The following ZNF536 variants were observed in gnomAD, a reference collection of about 807,000 sequenced individuals.
ZNF536 encodes the protein zinc finger protein 536.
Under a neutral mutation model 84.5 loss-of-function variants are expected in ZNF536, and 13 were observed. The ratio of observed to expected loss-of-function variants is 0.15; its 90% CI spans 0.10 to 0.24. ZNF536 has a LOEUF of 0.24. Among genes scored for constraint, ZNF536 ranks in the 10% least tolerant of loss-of-function variants. The pLI is 1.00. For missense variants in ZNF536, 1,536 were observed against 1,747.5 expected, an observed-to-expected ratio of 0.88 and a Z score of 2.16; for synonymous variants, 811 against 742.5, an observed-to-expected ratio of 1.09 and a Z score of -1.50.
chr19:30,428,481 G>A (rs1000518071), intron 1 of ZNF536, among the ~76,000 whole-genome samples: 5 of 152,206 alleles, frequency 3.3e-5, no homozygotes, highest in African/African-American at 1.2e-4. Context: ...GTTACCCAGA[G>A]TCCCAGTAAA....
At chr19:30,333,909 T>G (rs2047296706) in intron 2 of ZNF536, among the ~76,000 whole-genome samples, 1 of 152,224 alleles carries the variant, frequency 6.6e-6, no homozygotes, top group African/African-American at 2.4e-5. Context: ...TGATATTCCT[T>G]TTCTGCAAAG....
At chr19:30,584,019 T>C (rs2047011110) in intron 1 of ZNF536, among the ~76,000 whole-genome samples, 1 of 152,178 alleles carries the variant, frequency 6.6e-6, no homozygotes, top group Non-Finnish European at 1.5e-5. Flanking sequence ...AAGCCTTTTA[T>C]GCATCTAGAA....
At chr19:30,439,566 G>T (rs1472394228) in intron 1 of ZNF536, among the ~76,000 whole-genome samples, 2 of 152,184 alleles carry the variant, frequency 1.3e-5, no homozygotes, top group Non-Finnish European at 2.9e-5. Context: ...CGAGCAGCAG[G>T]CATCAGTTAT....
intron 1 of ZNF536, among the ~76,000 whole-genome samples, chr19:30,595,007 T>C (rs2047408813): frequency 6.6e-6 from 1 of 152,016 alleles, no homozygotes; most frequent in South Asian, 2.1e-4. Context: ...TGCATCCTGC[T>C]TGGGCAGGAG....
intron 1 of ZNF536, among the ~76,000 whole-genome samples, chr19:30,384,300 C>T: frequency 1.8e-4 from 1 of 5,656 alleles, no homozygotes; most frequent in Non-Finnish European, 4.8e-4. Context: ...CTTTCCTTCC[C>T]CTCCCCTCCC....
chr19:30,441,825 A>G (rs73546122), intron 1 of ZNF536, among the ~76,000 whole-genome samples: 7,373 of 152,258 alleles, frequency 0.048, 401 homozygotes, highest in African/African-American at 0.13. Flanking sequence ...GTAAACATTC[A>G]TGGCTCTTTC....
chr19:30,352,695 TC>T (rs1268517849), intron 3 of ZNF536, among the ~76,000 whole-genome samples: 2 of 152,140 alleles, frequency 1.3e-5, no homozygotes, highest in Non-Finnish European at 2.9e-5. Flanking sequence ...GCAGGGCCTT[TC>T]CCCATGGGGG....
chr19:30,270,806 C>A (rs908544556), intron 1 of ZNF536, among the ~76,000 whole-genome samples: 1 of 149,056 alleles, frequency 6.7e-6, no homozygotes, highest in Non-Finnish European at 1.5e-5. Flanking sequence ...TGCTAGCATA[C>A]GTAATTTTTT....
At chr19:30,653,928 G>A (rs1568639759) in intron 1 of ZNF536, among the ~76,000 whole-genome samples, 1 of 152,192 alleles carries the variant, frequency 6.6e-6, no homozygotes. Flanking sequence ...TTGCTGGAAT[G>A]GAGAACTCTT....
At chr19:30,612,431 G>A (rs1334844882) in intron 1 of ZNF536, among the ~76,000 whole-genome samples, 6 of 152,120 alleles carry the variant, frequency 3.9e-5, no homozygotes, top group South Asian at 2.1e-4. Context: ...CAGAGGAAAC[G>A]GGGTGCCCAC....
At chr19:30,324,328 T>C (rs1475109213) in intron 2 of ZNF536, among the ~76,000 whole-genome samples, 7 of 152,238 alleles carry the variant, frequency 4.6e-5, no homozygotes, top group Non-Finnish European at 1.0e-4. Context: ...CCATCCATTG[T>C]GTTTTGGGAA....
At chr19:30,469,831 C>T (rs774430507) in intron 2 of ZNF536, among the ~76,000 whole-genome samples, 15 of 152,132 alleles carry the variant, frequency 9.9e-5, no homozygotes, top group Non-Finnish European at 1.5e-4. Context: ...CCTGGAATCT[C>T]GGTGCAGGTT....
At chr19:30,670,240 T>G (rs1325505177) in intron 1 of ZNF536, among the ~76,000 whole-genome samples, 1 of 152,220 alleles carries the variant, frequency 6.6e-6, no homozygotes, top group African/African-American at 2.4e-5. Flanking sequence ...AGGCTTCCTC[T>G]GAGACTCCTC....
At chr19:30,562,294 T>C (rs2046199304), downstream of ZNF536, among the ~76,000 whole-genome samples, 1 of 152,158 alleles carries the variant, frequency 6.6e-6, no homozygotes, top group African/African-American at 2.4e-5. Context: ...GGATATGTTC[T>C]GGTTTCCCAC....
At chr19:30,507,700 T>C (rs1039743647) in intron 2 of ZNF536, among the ~76,000 whole-genome samples, 2 of 152,042 alleles carry the variant, frequency 1.3e-5, no homozygotes, top group Non-Finnish European at 2.9e-5. Flanking sequence ...ATAAGGCAAG[T>C]CAAAGGAGAA....
At chr19:30,356,581 C>T (rs937286378) in intron 3 of ZNF536, among the ~76,000 whole-genome samples, 16 of 152,218 alleles carry the variant, frequency 1.1e-4, no homozygotes, top group African/African-American at 3.9e-4. Context: ...ATTCGATCTT[C>T]ACCATGAGAT....
Position 30,534,898 on chromosome 19 carries a change from T to G in ZNF536, c.2222T>G (p.Leu741Arg). ...GCCGGCGTCCAGCAACCAGCGCTGC[T>G]TCGCGACAGAAGCCTGGGCTCGGCC... The part of the protein sequence containing the change: ...RSAGVQQPAL[L>R]RDRSLGSAMK... The change falls in exon 3 of 5, where the codon CTT becomes CGT. Residue 741 changes from leucine to arginine, a missense_variant. Leu to Arg is a moderately radical substitution (Grantham distance 102, BLOSUM62 -2). Coordinates refer to ENST00000355537, the MANE Select transcript of ZNF536 (RefSeq NM_014717.3). 6.2e-7 allele frequency: 1 copy of G among 1,613,976 alleles called. No individual in the cohort carries two copies. The highest frequency in any genetic ancestry group is 8.5e-7 in the Non-Finnish European group (1 of 1,179,906).
intron 1 of ZNF536, among the ~76,000 whole-genome samples, chr19:30,570,850 T>C (rs1050546069): frequency 6.6e-6 from 1 of 152,198 alleles, no homozygotes; most frequent in African/African-American, 2.4e-5. Flanking sequence ...TGATAGCACC[T>C]AGAAGGGCCA....
intron 1 of ZNF536, among the ~76,000 whole-genome samples, chr19:30,265,706 T>C (rs1486992774): frequency 1.3e-5 from 2 of 152,076 alleles, no homozygotes; most frequent in African/African-American, 4.8e-5. Context: ...CTGCCTTTTT[T>C]CGTCATGGTT....
Sources: gnomAD v4.1 joint callset for allele counts (sites outside exome capture counted in the v4.1 genomes callset) on GRCh38, gnomAD v4.1.1 for gene constraint, MANE v1.5 for transcripts, NCBI Gene and HGNC (gene_info 2026-07-23, HGNC 2026-07-21) for gene names.